Variants in ADIPOR2 observed in about 807,000 individuals in gnomAD.
ADIPOR2 encodes adiponectin receptor 2, also known as adiponectin receptor protein 2.
In ADIPOR2, 18 loss-of-function variants were observed where a neutral mutation model predicts 40.9. That is an observed-to-expected ratio of 0.44 (90% CI 0.30 to 0.65). ADIPOR2 has a LOEUF of 0.65. Ranked by LOEUF, ADIPOR2 falls within the 30% of genes least tolerant of loss-of-function variation. The pLI is 0.09. For synonymous variants in ADIPOR2, 165 were observed against 166.4 expected (o/e 0.99, Z 0.06); for missense variants, 283 against 479.2 (o/e 0.59, Z 3.82).
intron 1 of ADIPOR2, among the ~76,000 whole-genome samples, chr12:1,716,388 T>C (rs1241210936): frequency 2.0e-5 from 3 of 152,202 alleles, no homozygotes; most frequent in Admixed American, 2.0e-4. Flanking sequence ...AAACTGAAAC[T>C]GTTTCAGTTT....
chr12:1,751,595 A>C (rs1383535400), intron 1 of ADIPOR2, among the ~76,000 whole-genome samples: 47 of 151,940 alleles, frequency 3.1e-4, no homozygotes, highest in Non-Finnish European at 5.9e-5. Flanking sequence ...GCAACCTCGA[A>C]CTCCTGGGCT....
At chr12:1,749,024 A>G (rs1012402877) in intron 1 of ADIPOR2, among the ~76,000 whole-genome samples, 4 of 152,180 alleles carry the variant, frequency 2.6e-5, no homozygotes, top group Admixed American at 1.3e-4. Context: ...TGGGGCTCCC[A>G]TGGCCCCCTC....
At chr12:1,777,479 C>T (rs1214977020) in intron 3 of ADIPOR2, among the ~76,000 whole-genome samples, 3 of 150,400 alleles carry the variant, frequency 2.0e-5, no homozygotes, top group Non-Finnish European at 4.4e-5. Context: ...CTCCGCCTCC[C>T]GGGTTCAAGC....
chr12:1,780,554 A>C lies in ADIPOR2; in HGVS notation c.567A>C (p.Leu189Phe). ...QEKVVFGLFF[L>F]GAILCLSFSW... ...AGGTGGTCTTTGGATTATTTTTCTT[A>C]GGAGCCATTCTCTGCCTTTCTTTTT... Residue 189 changes from leucine to phenylalanine, a missense_variant, in exon 5 of 8, where the codon TTA (leucine) becomes TTC (phenylalanine). Leu to Phe is a conservative substitution (Grantham distance 22). Around this residue, in one of 3 missense-constraint regions of ADIPOR2, gnomAD observed 112 missense variants for 249.5 expected, o/e 0.45. Transcript: ENST00000357103. 1 of 1,613,700 alleles carries C rather than the reference A, an allele frequency of 6.2e-7. No individual in the cohort carries two copies. Among genetic ancestry groups the C allele is most frequent in the Non-Finnish European group, 8.5e-7 (1 of 1,179,846 alleles).
In ADIPOR2 at chr12:1,772,827, G is replaced by C. The variant is rs370308400; in HGVS notation, c.172-15G>C. 2.5e-6 allele frequency: 4 copies of C among 1,599,076 alleles called. No homozygotes were observed. The African/African-American group carries it at 5.4e-5, about 21-fold the overall frequency. ...CCAGTCTCTGTCCTTGACTGTTTCT[G>C]TGATTGCCTTGCAGAGCTCTGAGGA... On this transcript the variant is annotated splice_polypyrimidine_tract_variant and intron_variant, in intron 2 of 7. Coordinates refer to ENST00000357103, the MANE Select transcript of ADIPOR2 (RefSeq NM_024551.3).
chr12:1,738,311 A>G (rs1274899457), intron 1 of ADIPOR2, among the ~76,000 whole-genome samples: 1 of 151,800 alleles, frequency 6.6e-6, no homozygotes, highest in African/African-American at 2.4e-5. Context: ...AATCTGGGAA[A>G]TTGAGGCTGC....
intron 6 of ADIPOR2, among the ~76,000 whole-genome samples, chr12:1,782,986 T>C (rs922026130): frequency 2.4e-5 from 1 of 41,078 alleles, no homozygotes; most frequent in Non-Finnish European, 5.1e-5. Context: ...CTTTTTTTTT[T>C]TTTTTTTTTT....
chr12:1,734,354 A>G (rs889039649), intron 1 of ADIPOR2, among the ~76,000 whole-genome samples: 4 of 152,070 alleles, frequency 2.6e-5, no homozygotes, highest in African/African-American at 9.7e-5. Context: ...CATTTCTCTG[A>G]TGGCCAGTGA....
At position 1,777,993 on chromosome 12, in the gene ADIPOR2, CAG is replaced by C. The variant is rs1197735698; in HGVS notation, c.433_434del (p.Glu145AsnfsTer72). 1 of 1,614,038 alleles carries C rather than the reference CAG, an allele frequency of 6.2e-7. No homozygotes were observed. Among genetic ancestry groups the C allele is most frequent in the East Asian group, 2.2e-5 (1 of 44,880 alleles). On this transcript the variant is annotated frameshift_variant, in exon 4 of 8. Transcript: ENST00000357103. LOFTEE classifies it high-confidence loss of function. ...TTTAAGAGCATTTTCAGAATACACA[CAG>C]AAACAGGCAACATTTGGACACATCT...
At chr12:1,706,276 A>C (rs1050957900) in intron 1 of ADIPOR2, among the ~76,000 whole-genome samples, 2 of 152,184 alleles carry the variant, frequency 1.3e-5, no homozygotes, top group Non-Finnish European at 1.5e-5. Context: ...GCTAAATGAG[A>C]ATATTTATAA....
chr12:1,781,631 C>T (rs901148321), intron 6 of ADIPOR2, among the ~76,000 whole-genome samples: 6 of 152,030 alleles, frequency 3.9e-5, no homozygotes, highest in African/African-American at 1.5e-4. Flanking sequence ...TAGAGAAAGC[C>T]ACAAGCCCCT....
In ADIPOR2 at chr12:1,780,440, C is replaced by G. The variant is rs1338307247; in HGVS notation, c.464-11C>G. The G allele has an allele frequency of 6.3e-7, 1 of 1,584,744 alleles. No individual in the cohort carries two copies. Among genetic ancestry groups the G allele is most frequent in the African/African-American group, 1.4e-5 (1 of 72,636 alleles). ...TGATATTTTATCTATTTTCTGTGCT[C>G]TTTTTCCTAGGTTGTGTATTCTTCC... is the stretch of plus-strand genomic sequence containing the variant. On this transcript the variant is annotated splice_polypyrimidine_tract_variant and intron_variant, in intron 4 of 7. Coordinates refer to ENST00000357103, the MANE Select transcript of ADIPOR2 (RefSeq NM_024551.3).
At position 1,748,067 on chromosome 12, in the gene ADIPOR2, T is replaced by C. The variant is rs145598098; in HGVS notation, c.-86-6191T>C. Among the ~76,000 whole-genome samples, 40 of 152,260 alleles carry C rather than the reference T, an allele frequency of 2.6e-4. No individual in the cohort carries two copies. The East Asian group carries it at 7.3e-3, about 28-fold the overall frequency. On this transcript the variant is annotated intron_variant, in intron 1 of 7. Transcript: ENST00000357103. ...GAGTACCAAACTGTGCCTATTGGTG[T>C]CCCACATAGCTCTAAGATTTTCCAA...
chr12:1,788,328 A>G lies in ADIPOR2; in HGVS notation c.*2256A>G, dbSNP rs949844824. On this transcript the variant is annotated 3_prime_UTR_variant, in exon 8 of 8. Coordinates refer to ENST00000357103, the MANE Select transcript of ADIPOR2 (RefSeq NM_024551.3). ...CGTGCAGCTCACTACCAACAGCCTC[A>G]TGTGCACTTGACCTGACAGTGCTCG... 1 of 152,630 alleles carries G rather than the reference A, an allele frequency of 6.6e-6. No individual in the cohort carries two copies. Among genetic ancestry groups the G allele is most frequent in the Non-Finnish European group, 1.5e-5 (1 of 68,040 alleles). The allele number at this position is 152,630 out of a possible 1,614,324, so 9.5% of individuals were successfully genotyped here.
At chr12:1,783,482 C>G (rs1202685648) in intron 6 of ADIPOR2, among the ~76,000 whole-genome samples, 1 of 151,192 alleles carries the variant, frequency 6.6e-6, no homozygotes, top group Admixed American at 6.6e-5. Flanking sequence ...TCACTGCAGC[C>G]TCTGCCCCCG....
At chr12:1,724,058 C>T (rs1020178429) in intron 1 of ADIPOR2, among the ~76,000 whole-genome samples, 8 of 151,842 alleles carry the variant, frequency 5.3e-5, no homozygotes, top group African/African-American at 9.7e-5. Context: ...CTTGGCTCAC[C>T]GCAACCTCTG....
rs555972423 is a variant in ADIPOR2 at position 1,707,206 on chromosome 12, T to C, written c.-87+16015T>C. 2.5e-3 allele frequency among the ~76,000 whole-genome samples: 386 copies of C among 152,312 alleles called. 1 individual carries two copies. The highest frequency in any genetic ancestry group is 4.4e-3 in the Non-Finnish European group (299 of 68,028). On this transcript the variant is annotated intron_variant, in intron 1 of 7. Transcript: ENST00000357103. ...TTGGGTTTCCAGTTTTTGGCTATTATGATTAAAGTGGCAATGAACATTGAT... is the reference window on the plus strand; with the variant it reads ...TTGGGTTTCCAGTTTTTGGCTATTACGATTAAAGTGGCAATGAACATTGAT...
At chr12:1,699,159 C>T (rs985346412) in intron 1 of ADIPOR2, among the ~76,000 whole-genome samples, 10 of 152,142 alleles carry the variant, frequency 6.6e-5, no homozygotes, top group Non-Finnish European at 1.2e-4. Context: ...GTGTAACTTT[C>T]TTGATAATCT....
At chr12:1,773,516 CTTTT>C (rs34995304) in intron 3 of ADIPOR2, among the ~76,000 whole-genome samples, 1 of 123,720 alleles carries the variant, frequency 8.1e-6, no homozygotes, top group Non-Finnish European at 1.7e-5. Context: ...TTATGGGATT[CTTTT>C]TTTTTTTTTT....
Sources: gnomAD v4.1 joint callset for allele counts (sites outside exome capture counted in the v4.1 genomes callset) on GRCh38, gnomAD v4.1.1 for gene constraint, gnomAD v4.1.1 regional missense constraint, MANE v1.5 for transcripts, NCBI Gene and HGNC (gene_info 2026-07-23, HGNC 2026-07-21) for gene names.